The following E2F5 variants were observed in gnomAD, a reference collection of about 807,000 sequenced individuals.
E2F5 encodes transcription factor E2F5.
In E2F5, 23 loss-of-function variants were observed where a neutral mutation model predicts 39.1. The ratio of observed to expected loss-of-function variants is 0.59; its 90% CI spans 0.42 to 0.83. The LOEUF (loss-of-function observed/expected upper bound fraction) is 0.83. E2F5 is among the 40% of genes least tolerant of loss of function. E2F5 has a pLI of 0.00. For synonymous variants in E2F5, 145 were observed against 157.8 expected (o/e 0.92, Z 0.61); for missense variants, 365 against 406.7 (o/e 0.90, Z 0.88).
Position 85,210,712 on chromosome 8 carries a change from C to T in E2F5, c.883+1303C>T, listed in dbSNP as rs184609287. Among the ~76,000 whole-genome samples, 26 of 151,582 alleles carry T rather than the reference C, an allele frequency of 1.7e-4. 1 individual carries two copies. In the East Asian group the frequency reaches 3.9e-3, roughly 23 times the overall value. ...AAAAGAAAATGTAGTCCTTAAAAAGCTTACAATCTAATTAGGATATAAAGC... is the reference window on the plus strand; with the variant it reads ...AAAAGAAAATGTAGTCCTTAAAAAGTTTACAATCTAATTAGGATATAAAGC... On this transcript the variant is annotated intron_variant, in intron 6 of 7. Coordinates refer to ENST00000416274, the MANE Select transcript of E2F5 (RefSeq NM_001951.4).
At chr8:85,182,910 C>T (rs1029645292) in intron 1 of E2F5, among the ~76,000 whole-genome samples, 12 of 152,036 alleles carry the variant, frequency 7.9e-5, no homozygotes, top group African/African-American at 1.4e-4. Context: ...GATGCATACC[C>T]GTTTATGAGC....
rs1424137479 is a variant in E2F5 at position 85,177,603 on chromosome 8, G to A, written c.183G>A (p.Lys61=). The change falls in exon 1 of 8, where the codon AAG becomes AAA. Residue 61 remains lysine (K), a synonymous_variant. Transcript: ENST00000416274. Reference sequence around the variant, plus strand: ...AGAGCCTGGGGCTGCTCACTACCAAGTTCGTGTCGCTGCTGCAGGAGGCCA... The same window carrying A: ...AGAGCCTGGGGCTGCTCACTACCAAATTCGTGTCGCTGCTGCAGGAGGCCA... ...HEKSLGLLTT[K]FVSLLQEAKD... The A allele has an allele frequency of 1.5e-6, 2 of 1,297,714 alleles. No individual in the cohort carries two copies. The highest frequency in any genetic ancestry group is 2.8e-5 in the East Asian group (1 of 35,416). 80.4% of individuals were successfully genotyped at this position (1,297,714 alleles called of 1,614,324 possible). A position where few individuals can be genotyped will look rare whatever the true frequency, so the allele number is the denominator to read the frequency against.
rs1361685835 is a variant in E2F5, at chr8:85,177,312, C to G, written c.-109C>G. On this transcript the variant is annotated 5_prime_UTR_variant, in exon 1 of 8. Coordinates refer to ENST00000416274, the MANE Select transcript of E2F5 (RefSeq NM_001951.4). The stretch of plus-strand genomic sequence containing the variant: ...GCAGCCAGCGACCCGCACTACCGCT[C>G]TCGGCGGGCGGGGAAGCGGCCGCAG... The G allele has an allele frequency of 5.5e-6, 5 of 912,652 alleles. No individual in the cohort carries two copies. The East Asian group carries it at 3.5e-4, about 65-fold the overall frequency. 56.5% of individuals were successfully genotyped at this position (912,652 alleles called of 1,614,324 possible). A position where few individuals can be genotyped will look rare whatever the true frequency, so the allele number is the denominator to read the frequency against.
At chr8:85,181,961 C>CAA (rs35223016) in intron 1 of E2F5, among the ~76,000 whole-genome samples, 7 of 145,686 alleles carry the variant, frequency 4.8e-5, no homozygotes, top group Admixed American at 2.7e-4. Context: ...AACTGTGTCT[C>CAA]AAAAAAAAAA....
intron 1 of E2F5, chr8:85,187,815 C>T (rs1413742521): frequency 6.6e-6 from 1 of 152,094 alleles, no homozygotes; most frequent in Non-Finnish European, 1.5e-5. Context: ...TTAATACTGT[C>T]ATTTTGTTGT....
chr8:85,209,611 A>C (rs1483850172), intron 6 of E2F5, among the ~76,000 whole-genome samples: 1 of 152,234 alleles, frequency 6.6e-6, no homozygotes, highest in Non-Finnish European at 1.5e-5. Flanking sequence ...CACCTTATTC[A>C]CATAGCCTGA....
Position 85,206,236 on chromosome 8 carries a change from C to T in E2F5, c.550+16C>T, listed in dbSNP as rs1453439856. On this transcript the variant is annotated intron_variant, in intron 4 of 7. Coordinates refer to ENST00000416274, the MANE Select transcript of E2F5 (RefSeq NM_001951.4). ...TGCTTTAATGGTAAGTACCATTAGA[C>T]TTTTCCTTGCATTCTTCCTCTCAAC... 1 of 1,608,392 alleles carries T rather than the reference C, an allele frequency of 6.2e-7. No homozygotes were observed. Among genetic ancestry groups the T allele is most frequent in the African/African-American group, 1.3e-5 (1 of 74,860 alleles).
In E2F5 at chr8:85,177,291, C is replaced by A; in HGVS notation, c.-130C>A. 2.5e-6 allele frequency: 2 copies of A among 795,536 alleles called. No homozygotes were observed. Among genetic ancestry groups the A allele is most frequent in the Non-Finnish European group, 1.5e-6 (1 of 656,252 alleles). 49.3% of individuals were successfully genotyped at this position (795,536 alleles called of 1,614,324 possible). On this transcript the variant is annotated 5_prime_UTR_variant, in exon 1 of 8. Coordinates refer to ENST00000416274, the MANE Select transcript of E2F5 (RefSeq NM_001951.4). ...GCCGCACACCTGTTGTTTGCAGCAG[C>A]CAGCGACCCGCACTACCGCTCTCGG...
At chr8:85,205,273 T>G (rs1812778096) in intron 3 of E2F5, among the ~76,000 whole-genome samples, 11 of 151,760 alleles carry the variant, frequency 7.2e-5, no homozygotes, top group Admixed American at 7.2e-4. Flanking sequence ...AGTCGCTCTG[T>G]TGCCCAGGCT....
chr8:85,207,043 A>C (rs1175855343), intron 4 of E2F5, among the ~76,000 whole-genome samples: 1 of 152,182 alleles, frequency 6.6e-6, no homozygotes, highest in Non-Finnish European at 1.5e-5. Flanking sequence ...AAATCATTTA[A>C]GCTCAACATT....
chr8:85,185,811 A>G (rs1309022628), intron 1 of E2F5, among the ~76,000 whole-genome samples: 2 of 152,246 alleles, frequency 1.3e-5, no homozygotes, highest in Admixed American at 1.3e-4. Flanking sequence ...ACAATGAGAT[A>G]CCATCTCACA....
intron 7 of E2F5, 86 bp downstream of exon 7, chr8:85,212,290 C>A: frequency 9.9e-7 from 1 of 1,011,796 alleles, no homozygotes; most frequent in Non-Finnish European, 1.5e-6. Context: ...AAGAAATGAA[C>A]ATATATTTGC....
chr8:85,213,972 G>T lies in E2F5; in HGVS notation c.*110G>T. On this transcript the variant is annotated 3_prime_UTR_variant, in exon 8 of 8. Coordinates refer to ENST00000416274, the MANE Select transcript of E2F5 (RefSeq NM_001951.4). The stretch of plus-strand genomic sequence containing the variant: ...AATGTAACACCTTTTTTAGTTCACT[G>T]ATTCTGAAGTGTTCTTCCCTAATAC... The T allele has an allele frequency of 1.5e-6, 1 of 664,916 alleles. No homozygotes were observed. 41.2% of individuals were successfully genotyped at this position (664,916 alleles called of 1,614,324 possible).
chr8:85,192,492 G>T (rs184491146), intron 1 of E2F5, among the ~76,000 whole-genome samples: 1 of 152,266 alleles, frequency 6.6e-6, no homozygotes, highest in Admixed American at 6.5e-5. Context: ...GAGGGCAGAA[G>T]AAAGGGAAAA....
chr8:85,213,849 T>C lies in E2F5; in HGVS notation c.1028T>C (p.Ile343Thr). The C allele has an allele frequency of 6.3e-7, 1 of 1,597,750 alleles. No individual in the cohort carries two copies. Reference protein sequence around the residue: ...EGVCDLFDVQILNY With the variant: ...EGVCDLFDVQTLNY ...GTTTGTGATCTGTTTGATGTCCAGA[T>C]ACTAAATTATTAGATTCCATGGAAA... Residue 343 changes from isoleucine (I) to threonine (T), a missense_variant, in exon 8 of 8, where the codon ATA becomes ACA. By Grantham distance (89) the Ile-to-Thr change is moderately conservative (BLOSUM62 -1). Transcript: ENST00000416274.
intron 1 of E2F5, among the ~76,000 whole-genome samples, chr8:85,199,544 G>A (rs980554244): frequency 1.4e-4 from 3 of 21,250 alleles, no homozygotes; most frequent in Admixed American, 1.1e-3. Context: ...AGTGGTGATA[G>A]TGGTGGTGGT....
rs745645600 is a variant in E2F5, at chr8:85,177,570, G to A, written c.150G>A (p.Arg50=). The change falls in exon 1 of 8, where the codon AGG becomes AGA. Residue 50 remains arginine, a synonymous_variant. Transcript: ENST00000416274. ...QLGGAGGGSS[R]HEKSLGLLTT... Reference sequence around the variant, plus strand: ...GGGGCGCCGGGGGCGGCAGCAGCAGGCACGAGAAGAGCCTGGGGCTGCTCA... The same window carrying A: ...GGGGCGCCGGGGGCGGCAGCAGCAGACACGAGAAGAGCCTGGGGCTGCTCA... 1.6e-6 allele frequency: 2 copies of A among 1,278,792 alleles called. No individual in the cohort carries two copies. The highest frequency in any genetic ancestry group is 2.0e-6 in the Non-Finnish European group (2 of 1,010,194). The allele number at this position is 1,278,792 out of a possible 1,614,324, so 79.2% of individuals were successfully genotyped here. A position where few individuals can be genotyped will look rare whatever the true frequency, so the allele number is the denominator to read the frequency against.
At chr8:85,207,739 C>CAAAT (rs4150955) in intron 5 of E2F5, among the ~76,000 whole-genome samples, 94,855 of 151,556 alleles carry the variant, frequency 0.63, 30,262 homozygotes, top group Non-Finnish European at 0.67. Context: ...TCATTTAGCT[C>CAAAT]AAAGTCAATT....
chr8:85,213,551 A>AG (rs1165228962), intron 7 of E2F5: 1 of 273,254 alleles, frequency 3.7e-6, no homozygotes, highest in Non-Finnish European at 6.9e-6. Context: ...TTAAAAAAAA[A>AG]AAAAAAAAAA....
Sources: allele counts gnomAD v4.1 joint callset (sites outside exome capture counted in the v4.1 genomes callset), GRCh38; gene constraint gnomAD v4.1.1; transcripts MANE v1.5; gene names NCBI Gene and HGNC (gene_info 2026-07-23, HGNC 2026-07-21).